FBXL13: variants seen among roughly 807,000 people sequenced by gnomAD.
FBXL13 encodes the protein F-box and leucine-rich repeat protein 13.
A neutral mutation model predicts 83.6 loss-of-function variants in FBXL13; 67 were observed. That is an observed-to-expected ratio of 0.80 (90% CI 0.66 to 0.98). The LOEUF (loss-of-function observed/expected upper bound fraction) is 0.98. Among genes scored for constraint, FBXL13 ranks in the 50% least tolerant of loss-of-function variants. The probability of loss-of-function intolerance (pLI) is 0.00; values close to 1 mark genes in which losing one functional copy is unlikely to be tolerated. For missense variants in FBXL13, 822 were observed against 866.5 expected (o/e 0.95, Z 0.64); for synonymous variants, 272 against 299.5 (o/e 0.91, Z 0.95).
At chr7:102,875,952 C>T (rs1272502373) in intron 16 of FBXL13, among the ~76,000 whole-genome samples, 1 of 152,178 alleles carries the variant, frequency 6.6e-6, no homozygotes, top group Non-Finnish European at 1.5e-5. Flanking sequence ...GTCCCTTCTA[C>T]TGGCCCTGTA....
chr7:102,904,414 T>G (rs182924030), intron 11 of FBXL13, among the ~76,000 whole-genome samples: 171 of 152,004 alleles, frequency 1.1e-3, no homozygotes, highest in Admixed American at 2.4e-3. Flanking sequence ...TATACTTTAA[T>G]TTCTAGGGTA....
At chr7:102,955,749 A>G (rs1177977364) in intron 8 of FBXL13, among the ~76,000 whole-genome samples, 3 of 152,088 alleles carry the variant, frequency 2.0e-5, no homozygotes, top group Non-Finnish European at 4.4e-5. Flanking sequence ...AGAACACTAT[A>G]AACACCTCTA....
intron 11 of FBXL13, among the ~76,000 whole-genome samples, chr7:102,905,087 A>G (rs1302495479): frequency 6.6e-6 from 1 of 151,274 alleles, no homozygotes; most frequent in Non-Finnish European, 1.5e-5. Context: ...TGTATTCTGC[A>G]GCTCTTGGAT....
chr7:102,944,441 G>A, intron 8 of FBXL13: 1 of 1,613,900 alleles, frequency 6.2e-7, no homozygotes. Flanking sequence ...TACAAAGGAT[G>A]GTCTGTGGGA....
intron 8 of FBXL13, among the ~76,000 whole-genome samples, chr7:102,959,989 T>A (rs1824921111): frequency 6.6e-6 from 1 of 152,108 alleles, no homozygotes; most frequent in Admixed American, 6.6e-5. Flanking sequence ...TAATCACATA[T>A]ATAGAAATGT....
intron 11 of FBXL13, among the ~76,000 whole-genome samples, chr7:102,898,417 C>T (rs187807524): frequency 9.4e-4 from 143 of 151,776 alleles, no homozygotes; most frequent in African/African-American, 7.0e-4. Context: ...CATGGCTCAC[C>T]GCAGCCTCAG....
intron 6 of FBXL13, among the ~76,000 whole-genome samples, chr7:102,989,381 T>C (rs1829324114): frequency 6.6e-6 from 1 of 152,188 alleles, no homozygotes; most frequent in Admixed American, 6.5e-5. Flanking sequence ...CTAGACCAAA[T>C]GCTGGATAAA....
intron 7 of FBXL13, among the ~76,000 whole-genome samples, chr7:102,964,586 A>G (rs1786053230): frequency 6.6e-6 from 1 of 151,694 alleles, no homozygotes. Flanking sequence ...TATTTTTAGT[A>G]GAGACGAGGT....
chr7:102,947,800 C>A (rs1585086303), intron 8 of FBXL13, among the ~76,000 whole-genome samples: 1 of 148,342 alleles, frequency 6.7e-6, no homozygotes, highest in Non-Finnish European at 1.5e-5. Context: ...AAAAAAAAAA[C>A]CCTTTCCTAG....
chr7:103,053,190 T>C (rs1277606493), intron 2 of FBXL13, among the ~76,000 whole-genome samples: 1 of 152,188 alleles, frequency 6.6e-6, no homozygotes, highest in African/African-American at 2.4e-5. Context: ...TGCTCTTGTG[T>C]CGCCCAGGCT....
intron 8 of FBXL13, among the ~76,000 whole-genome samples, chr7:102,932,353 C>T (rs888848876): frequency 1.3e-5 from 2 of 152,054 alleles, no homozygotes; most frequent in Non-Finnish European, 2.9e-5. Flanking sequence ...ATCTATATAG[C>T]CACTACTTGG....
chr7:102,933,244 C>T (rs1418905685), intron 8 of FBXL13: 1 of 152,074 alleles, frequency 6.6e-6, no homozygotes, highest in Non-Finnish European at 1.5e-5. Context: ...GAGCCCACAC[C>T]CAACATGGTT....
At chr7:102,962,516 A>G (rs1395769129) in intron 8 of FBXL13, among the ~76,000 whole-genome samples, 1 of 152,214 alleles carries the variant, frequency 6.6e-6, no homozygotes, top group Non-Finnish European at 1.5e-5. Context: ...TCATGCTGCT[A>G]TAAAGACACA....
chr7:103,052,554 A>AT (rs150056923), intron 2 of FBXL13, among the ~76,000 whole-genome samples: 1,674 of 152,284 alleles, frequency 0.011, 35 homozygotes, highest in African/African-American at 0.039. Flanking sequence ...GGAGATTCAC[A>AT]TTTTCATGTC....
intron 5 of FBXL13, among the ~76,000 whole-genome samples, chr7:103,025,731 T>C (rs1367131264): frequency 2.0e-5 from 3 of 152,088 alleles, no homozygotes; most frequent in Non-Finnish European, 4.4e-5. Flanking sequence ...ATACACAATA[T>C]TGGCATAATA....
At chr7:102,887,040 T>C (rs1449046862) in intron 11 of FBXL13, among the ~76,000 whole-genome samples, 1 of 152,222 alleles carries the variant, frequency 6.6e-6, no homozygotes, top group East Asian at 1.9e-4. Flanking sequence ...TTCTAAAGCC[T>C]GAACAAATTT....
chr7:102,872,219 A>T (rs1808618857), intron 16 of FBXL13, among the ~76,000 whole-genome samples: 1 of 152,168 alleles, frequency 6.6e-6, no homozygotes, highest in African/African-American at 2.4e-5. Flanking sequence ...CTGCCCCATC[A>T]CATCTAAATT....
intron 2 of FBXL13, among the ~76,000 whole-genome samples, chr7:103,052,158 G>A (rs150306529): frequency 0.011 from 1,676 of 152,170 alleles, 35 homozygotes; most frequent in African/African-American, 0.039. Flanking sequence ...GTTTTTTGTT[G>A]AAACATTAAA....
intron 8 of FBXL13, among the ~76,000 whole-genome samples, chr7:102,955,491 A>G (rs1824104421): frequency 6.6e-6 from 1 of 152,052 alleles, no homozygotes; most frequent in Non-Finnish European, 1.5e-5. Flanking sequence ...TAGAGAAGCA[A>G]GAGCAAATTC....
Sources: allele counts gnomAD v4.1 joint callset (sites outside exome capture counted in the v4.1 genomes callset), GRCh38; gene constraint gnomAD v4.1.1; transcripts MANE v1.5; gene names NCBI Gene and HGNC (gene_info 2026-07-23, HGNC 2026-07-21).